TTC7B: variants seen among roughly 807,000 people sequenced by gnomAD.
The protein encoded by TTC7B is tetratricopeptide repeat protein 7B.
TTC7B carries 28 observed loss-of-function variants against 106.8 expected under a neutral mutation model. The ratio of observed to expected loss-of-function variants is 0.26; its 90% confidence interval spans 0.19 to 0.36. The LOEUF (loss-of-function observed/expected upper bound fraction) is 0.36. Among genes scored for constraint, TTC7B ranks in the 10% least tolerant of loss-of-function variants. The probability of loss-of-function intolerance (pLI) is 1.00; values close to 1 mark genes in which losing one functional copy is unlikely to be tolerated. For synonymous variants in TTC7B, 405 were observed against 430.6 expected, an observed-to-expected ratio of 0.94 and a Z score of 0.74; for missense variants, 862 against 1,076.4, an observed-to-expected ratio of 0.80 and a Z score of 2.79.
chr14:90,652,468 G>A (rs1405560322), intron 13 of TTC7B, among the ~76,000 whole-genome samples: 1 of 138,984 alleles, frequency 7.2e-6, no homozygotes, highest in Non-Finnish European at 1.5e-5. Context: ...ACAAAAACCT[G>A]CAGTTTGACA....
intron 2 of TTC7B, among the ~76,000 whole-genome samples, chr14:90,782,530 C>T (rs1290019511): frequency 6.6e-6 from 1 of 152,062 alleles, no homozygotes; most frequent in Non-Finnish European, 1.5e-5. Flanking sequence ...ACCCAGGAGG[C>T]GGAGGTTGCA....
chr14:90,719,092 C>T (rs183452430), intron 5 of TTC7B, among the ~76,000 whole-genome samples: 18 of 152,016 alleles, frequency 1.2e-4, no homozygotes, highest in Admixed American at 7.2e-4. Context: ...GAAACCCCGT[C>T]GCTACAAACA....
chr14:90,626,900 A>G (rs1442921449), intron 15 of TTC7B, among the ~76,000 whole-genome samples: 1 of 152,176 alleles, frequency 6.6e-6, no homozygotes, highest in Non-Finnish European at 1.5e-5. Flanking sequence ...CTGGCAAATC[A>G]CTGGCCTGGG....
rs780650246 is a variant in TTC7B, at chr14:90,578,295, G to A, written c.2121C>T (p.Ile707=). ...TGGCTTCTGCAGGCTTCCCGATGCCGATATAGACTTCAGCTGTGAGGAGAC... is the reference window on the plus strand; with the variant it reads ...TGGCTTCTGCAGGCTTCCCGATGCCAATATAGACTTCAGCTGTGAGGAGAC... ...QIWLHAAEVY[I]GIGKPAEATA... Residue 707 remains isoleucine, a synonymous_variant, in exon 19 of 20, where the codon ATC becomes ATT. Transcript: ENST00000328459. The surrounding 1 kb of genome is among the most constrained non-coding windows in gnomAD (Gnocchi z 4.7). 1.3e-5 allele frequency: 21 copies of A among 1,613,788 alleles called. No individual in the cohort carries two copies. Among genetic ancestry groups the A allele is most frequent in the Admixed American group, 1.7e-5 (1 of 59,952 alleles).
intron 19 of TTC7B, among the ~76,000 whole-genome samples, chr14:90,564,161 T>C (rs1890694865): frequency 6.6e-6 from 1 of 152,054 alleles, no homozygotes; most frequent in South Asian, 2.1e-4. Context: ...AAATCGCTCC[T>C]TGATCCATGG....
chr14:90,636,174 A>G lies in TTC7B; in HGVS notation c.1751+7874T>C, dbSNP rs116669799. Among the ~76,000 whole-genome samples, 997 of 152,162 alleles carry G rather than the reference A, an allele frequency of 6.6e-3. 14 individuals are homozygous for G. Among genetic ancestry groups the G allele is most frequent in the African/African-American group, 0.023 (955 of 41,508 alleles). On this transcript the variant is annotated intron_variant, in intron 15 of 19. Coordinates refer to ENST00000328459, the MANE Select transcript of TTC7B (RefSeq NM_001010854.2). ...GGAAAATGATAGTCCAAGTCTATATATGTGTATATGTATACATGTGTGTAT... is the reference window on the plus strand; with the variant it reads ...GGAAAATGATAGTCCAAGTCTATATGTGTGTATATGTATACATGTGTGTAT...
intron 7 of TTC7B, among the ~76,000 whole-genome samples, chr14:90,682,867 A>T (rs1887110105): frequency 6.6e-6 from 1 of 152,220 alleles, no homozygotes. Context: ...CCACCAACTC[A>T]CTGGGTGACC....
At chr14:90,711,131 G>C (rs533722204) in intron 5 of TTC7B, among the ~76,000 whole-genome samples, 1 of 152,286 alleles carries the variant, frequency 6.6e-6, no homozygotes, top group African/African-American at 2.4e-5. Context: ...AATGATATCA[G>C]AGGGTCATAG....
chr14:90,616,138 C>T (rs928624605), intron 16 of TTC7B, among the ~76,000 whole-genome samples: 1 of 152,060 alleles, frequency 6.6e-6, no homozygotes, highest in African/African-American at 2.4e-5. Flanking sequence ...ATTGGCAACA[C>T]GAAGCTGATG....
chr14:90,798,732 A>AAAAAAAC (rs869302614), intron 1 of TTC7B, among the ~76,000 whole-genome samples: 48 of 147,088 alleles, frequency 3.3e-4, no homozygotes, highest in Non-Finnish European at 6.2e-4. Context: ...AAAAAAAAAA[A>AAAAAAAC]CACGCAATAA....
intron 5 of TTC7B, among the ~76,000 whole-genome samples, chr14:90,703,850 T>G (rs1888097843): frequency 1.3e-5 from 2 of 152,190 alleles, no homozygotes; most frequent in Admixed American, 1.3e-4. Flanking sequence ...GCCGATGGGA[T>G]TGTCACACAT....
At chr14:90,652,074 T>C (rs1885743340) in intron 13 of TTC7B, among the ~76,000 whole-genome samples, 1 of 152,086 alleles carries the variant, frequency 6.6e-6, no homozygotes, top group Non-Finnish European at 1.5e-5. Context: ...GTAACAAGAA[T>C]AAAATGAGGG....
Position 90,757,126 on chromosome 14 carries a change from G to T in TTC7B, c.446-12204C>A, listed in dbSNP as rs922354815. ...TCTCCACCAGGCATGGCCCCACAGC[G>T]CCCCCTCACAACCCCTACTACCACA... On this transcript the variant is annotated intron_variant, in intron 3 of 19. Coordinates refer to ENST00000328459, the MANE Select transcript of TTC7B (RefSeq NM_001010854.2). This position sits in a 1 kb window ranked among gnomAD's most constrained non-coding sequence, Gnocchi z 4.1. Among the ~76,000 whole-genome samples the T allele has an allele frequency of 6.6e-6, 1 of 151,904 alleles. No individual in the cohort carries two copies. Among genetic ancestry groups the T allele is most frequent in the East Asian group, 1.9e-4 (1 of 5,170 alleles).
chr14:90,677,811 A>C (rs1179643826), intron 8 of TTC7B: 1 of 455,346 alleles, frequency 2.2e-6, no homozygotes, highest in Admixed American at 2.4e-5. Flanking sequence ...GCCACCCATC[A>C]GTACTTACTC....
intron 19 of TTC7B, among the ~76,000 whole-genome samples, chr14:90,551,834 C>T (rs1485390354): frequency 6.6e-6 from 1 of 152,198 alleles, no homozygotes; most frequent in Non-Finnish European, 1.5e-5. Flanking sequence ...TTTGTGGGTG[C>T]AGCTGAGGGG....
chr14:90,747,519 T>C (rs1262402083), intron 3 of TTC7B, among the ~76,000 whole-genome samples: 1 of 152,230 alleles, frequency 6.6e-6, no homozygotes, highest in African/African-American at 2.4e-5. Context: ...CGAAGTCTCC[T>C]AATTTTGTTA....
Position 90,689,726 on chromosome 14 carries a change from C to A in TTC7B, c.778-14G>T. ...CCTGGCTATTGTCTGGGAACATAAA[C>A]GAGGAAAAGCATAGCCATGAATCTA... On this transcript the variant is annotated splice_polypyrimidine_tract_variant and intron_variant, in intron 6 of 19. Transcript: ENST00000328459. 1.9e-6 allele frequency: 3 copies of A among 1,612,754 alleles called. No homozygotes were observed. The highest frequency in any genetic ancestry group is 2.5e-6 in the Non-Finnish European group (3 of 1,179,396).
chr14:90,595,543 T>C (rs1892167883), intron 17 of TTC7B, among the ~76,000 whole-genome samples: 1 of 152,142 alleles, frequency 6.6e-6, no homozygotes, highest in African/African-American at 2.4e-5. Context: ...AAGTAATATT[T>C]TGAACTTTGA....
In TTC7B at chr14:90,654,930, C is replaced by T. The variant is rs1189138282; in HGVS notation, c.1459+63G>A. 1.0e-5 allele frequency: 13 copies of T among 1,298,998 alleles called. No homozygotes were observed. The Admixed American group carries it at 1.9e-4, about 19-fold the overall frequency. The allele number at this position is 1,298,998 out of a possible 1,614,324, so 80.5% of individuals were successfully genotyped here. A position where few individuals can be genotyped will look rare whatever the true frequency, so the allele number is the denominator to read the frequency against. ...ACAGAAGGGGACTGTGGGAATCCCG[C>T]AGGGTAGACTTAGGTAGTCCAGCCC... On this transcript the variant is annotated intron_variant, in intron 12 of 19. Coordinates refer to ENST00000328459, the MANE Select transcript of TTC7B (RefSeq NM_001010854.2).
Sources: allele counts gnomAD v4.1 joint callset (sites outside exome capture counted in the v4.1 genomes callset), GRCh38; gene constraint gnomAD v4.1.1; non-coding constraint Gnocchi (gnomAD v3.1); transcripts MANE v1.5; gene names NCBI Gene and HGNC (gene_info 2026-07-23, HGNC 2026-07-21).